Variants in PTPRQ observed in about 807,000 individuals in gnomAD.
The protein encoded by PTPRQ is phosphatidylinositol phosphatase PTPRQ.
Under a neutral mutation model 246.0 loss-of-function variants are expected in PTPRQ, and 199 were observed. The observed-to-expected ratio is 0.81, with a 90% confidence interval of 0.72 to 0.91. PTPRQ has a LOEUF of 0.91. PTPRQ is among the 40% of genes least tolerant of loss of function. PTPRQ has a pLI of 0.00. For synonymous variants in PTPRQ, 869 were observed against 853.2 expected, an observed-to-expected ratio of 1.02 and a Z score of -0.32; for missense variants, 2,624 against 2,528.4, an observed-to-expected ratio of 1.04 and a Z score of -0.81.
intron 17 of PTPRQ, among the ~76,000 whole-genome samples, chr12:80,531,114 C>T (rs922036403): frequency 2.0e-5 from 3 of 151,834 alleles, no homozygotes; most frequent in African/African-American, 7.2e-5. Context: ...AAAGATACTT[C>T]TTTAAGGATA....
At chr12:80,570,734 T>G (rs910790254) in intron 25 of PTPRQ, among the ~76,000 whole-genome samples, 2 of 152,248 alleles carry the variant, frequency 1.3e-5, no homozygotes, top group Non-Finnish European at 2.9e-5. Flanking sequence ...CATTTAAGTC[T>G]TTAATCCATC....
chr12:80,475,265 C>T (rs979925467), intron 8 of PTPRQ, among the ~76,000 whole-genome samples: 2 of 152,032 alleles, frequency 1.3e-5, no homozygotes, highest in East Asian at 1.9e-4. Flanking sequence ...ATGTATATAA[C>T]ACCTTCAAAA....
At chr12:80,670,203 A>G (rs1664209488) in intron 41 of PTPRQ, 141 bp from the exon 42 acceptor site, 2 of 1,224,438 alleles carry the variant, frequency 1.6e-6, no homozygotes, top group Non-Finnish European at 2.2e-6. Flanking sequence ...TCTCTCTTAT[A>G]GGAAATAATG....
chr12:80,493,450 C>A lies in PTPRQ; in HGVS notation c.1535C>A (p.Pro512Gln). 1 of 1,547,474 alleles carries A rather than the reference C, an allele frequency of 6.5e-7. No homozygotes were observed. Among genetic ancestry groups the A allele is most frequent in the South Asian group, 1.2e-5 (1 of 83,514 alleles). The change falls in exon 10 of 45, where the codon CCA becomes CAA. Residue 512 changes from proline to glutamine, a missense_variant. Pro to Gln is a moderately conservative substitution (Grantham distance 76). Coordinates refer to ENST00000644991, the MANE Select transcript of PTPRQ (RefSeq NM_001145026.2). ...ARNRAEDQTS[P>Q]VVTTRNQYIT... The stretch of plus-strand genomic sequence containing the variant: ...AATAGAGCTGAAGACCAGACTTCAC[C>A]AGTTGGTAGGTAGAATTTTGATTTT...
At position 80,678,611 on chromosome 12, in the gene PTPRQ, A is replaced by G; in HGVS notation, c.6748A>G (p.Ile2250Val). Residue 2250 changes from isoleucine to valine, a missense_variant, in exon 44 of 45, where the codon ATC (isoleucine) becomes GTC (valine). Coordinates refer to ENST00000644991, the MANE Select transcript of PTPRQ (RefSeq NM_001145026.2). ...TGTCTTTGGTGTCTAGGCACAGTAT[A>G]TCTTTTTACACCAGTGCATTCTGGA... ...MCMVQNLAQY[I>V]FLHQCILDLL... 1 of 1,548,942 alleles carries G rather than the reference A, an allele frequency of 6.5e-7. No individual in the cohort carries two copies. Among genetic ancestry groups the G allele is most frequent in the Non-Finnish European group, 8.7e-7 (1 of 1,145,596 alleles).
rs1327275278 is a variant in PTPRQ at position 80,546,981 on chromosome 12, A to G, written c.4015+284A>G. The G allele has an allele frequency of 1.2e-5, 3 of 244,084 alleles. No individual in the cohort carries two copies. In the South Asian group the frequency reaches 3.1e-4, roughly 25 times the overall value. 15.1% of individuals were successfully genotyped at this position (244,084 alleles called of 1,614,324 possible). On this transcript the variant is annotated intron_variant, in intron 24 of 44. Coordinates refer to ENST00000644991, the MANE Select transcript of PTPRQ (RefSeq NM_001145026.2). ...TTCTAGATATCTGTGAAAATTACCT[A>G]ATTCTTAGAACTCTTTGAGACAGCT...
intron 8 of PTPRQ, among the ~76,000 whole-genome samples, chr12:80,475,175 T>A (rs1893771276): frequency 6.6e-6 from 1 of 152,152 alleles, no homozygotes; most frequent in Non-Finnish European, 1.5e-5. Flanking sequence ...TATATTTTAA[T>A]AAATCATATG....
chr12:80,665,151 G>A (rs1275049354), intron 39 of PTPRQ, among the ~76,000 whole-genome samples: 3 of 151,962 alleles, frequency 2.0e-5, no homozygotes, highest in Non-Finnish European at 4.4e-5. Context: ...AAGGGCCATG[G>A]CAAATTACTG....
chr12:80,447,639 C>A (rs2120395169), intron 3 of PTPRQ, among the ~76,000 whole-genome samples: 1 of 151,000 alleles, frequency 6.6e-6, no homozygotes, highest in South Asian at 2.1e-4. Flanking sequence ...TTCCCCAGCA[C>A]CATTTATTGA....
At chr12:80,556,611 G>A (rs1896653608) in intron 25 of PTPRQ, among the ~76,000 whole-genome samples, 1 of 152,114 alleles carries the variant, frequency 6.6e-6, no homozygotes, top group Non-Finnish European at 1.5e-5. Flanking sequence ...TATGCTATGA[G>A]AAAATGGCAA....
intron 26 of PTPRQ, among the ~76,000 whole-genome samples, chr12:80,596,070 C>G (rs1028442655): frequency 2.0e-5 from 3 of 151,696 alleles, no homozygotes; most frequent in Non-Finnish European, 4.4e-5. Flanking sequence ...AGATAATTAG[C>G]TGGTAATAAG....
intron 43 of PTPRQ, 72 bp downstream of exon 43, chr12:80,673,376 T>C: frequency 6.6e-7 from 1 of 1,509,634 alleles, no homozygotes; most frequent in Non-Finnish European, 8.9e-7. Flanking sequence ...GTGGCAGCAA[T>C]CTGGATGGAC....
chr12:80,528,348 C>T (rs1295071465), intron 17 of PTPRQ, among the ~76,000 whole-genome samples: 1 of 152,000 alleles, frequency 6.6e-6, no homozygotes, highest in Non-Finnish European at 1.5e-5. Context: ...GCTATAAACC[C>T]ATTGAAGCCA....
chr12:80,531,766 C>G (rs1471336478), intron 17 of PTPRQ, among the ~76,000 whole-genome samples: 2 of 152,090 alleles, frequency 1.3e-5, no homozygotes, highest in Non-Finnish European at 2.9e-5. Flanking sequence ...ATATCAGCCA[C>G]AATCCTAAAC....
intron 25 of PTPRQ, among the ~76,000 whole-genome samples, chr12:80,572,974 C>T (rs1897186573): frequency 6.6e-6 from 1 of 152,032 alleles, no homozygotes; most frequent in South Asian, 2.1e-4. Flanking sequence ...TTTATTATAA[C>T]ATTTTTTCTC....
intron 17 of PTPRQ, among the ~76,000 whole-genome samples, chr12:80,521,081 T>A (rs1318563184): frequency 3.3e-5 from 5 of 152,126 alleles, no homozygotes; most frequent in Non-Finnish European, 7.4e-5. Flanking sequence ...TATCTCATTG[T>A]GGTTTTGATT....
chr12:80,678,151 G>A (rs1901204548), intron 43 of PTPRQ, among the ~76,000 whole-genome samples: 1 of 151,842 alleles, frequency 6.6e-6, no homozygotes, highest in Non-Finnish European at 1.5e-5. Flanking sequence ...AGATTTATTG[G>A]TTAAACATAT....
intron 25 of PTPRQ, among the ~76,000 whole-genome samples, chr12:80,565,326 CTT>C (rs1232766721): frequency 6.6e-6 from 1 of 152,180 alleles, no homozygotes; most frequent in Non-Finnish European, 1.5e-5. Flanking sequence ...GGCAGCCACT[CTT>C]TGCTTTATCC....
intron 8 of PTPRQ, among the ~76,000 whole-genome samples, chr12:80,479,456 A>G (rs1360195470): frequency 1.3e-5 from 2 of 151,320 alleles, no homozygotes; most frequent in African/African-American, 2.4e-5. Flanking sequence ...GACTAGGAAG[A>G]AACTGCATCA....
Sources: gnomAD v4.1 joint callset for allele counts (sites outside exome capture counted in the v4.1 genomes callset) on GRCh38, gnomAD v4.1.1 for gene constraint, MANE v1.5 for transcripts, NCBI Gene and HGNC (gene_info 2026-07-23, HGNC 2026-07-21) for gene names.